INTS14: variants seen among roughly 807,000 people sequenced by gnomAD.
INTS14 encodes the protein UPF0464 protein C15orf44.
A neutral mutation model predicts 56.9 loss-of-function variants in INTS14; 27 were observed. The observed-to-expected ratio is 0.47, with a 90% CI of 0.35 to 0.65. INTS14 has a LOEUF of 0.65. INTS14 is among the 30% of genes least tolerant of loss of function. The pLI is 0.00. For synonymous variants in INTS14, 207 were observed against 236.2 expected (o/e 0.88, Z 1.13); for missense variants, 517 against 632.2 (o/e 0.82, Z 1.95).
intron 3 of INTS14, among the ~76,000 whole-genome samples, chr15:65,602,951 T>C (rs2073496195): frequency 1.3e-5 from 2 of 152,214 alleles, no homozygotes; most frequent in African/African-American, 4.8e-5. Flanking sequence ...GAAGTCTGCA[T>C]GATGCACAAG....
chr15:65,607,600 T>C (rs61350051), intron 1 of INTS14, among the ~76,000 whole-genome samples, 158 bp from the exon 2 acceptor site: 80 of 152,284 alleles, frequency 5.3e-4, no homozygotes, highest in African/African-American at 1.9e-3. Context: ...AGTGAGCAGC[T>C]TAGTTCATTG....
intron 3 of INTS14, among the ~76,000 whole-genome samples, chr15:65,600,765 T>C (rs911505256): frequency 2.0e-5 from 3 of 152,154 alleles, no homozygotes; most frequent in African/African-American, 7.2e-5. Flanking sequence ...AGTGGTTATA[T>C]AGGTGTATAC....
At chr15:65,592,412 G>A (rs1453408155) in intron 8 of INTS14, among the ~76,000 whole-genome samples, 1 of 152,184 alleles carries the variant, frequency 6.6e-6, no homozygotes, top group Admixed American at 6.5e-5. Context: ...ATGTATTATA[G>A]AAAGGGAAAT....
intron 9 of INTS14, among the ~76,000 whole-genome samples, chr15:65,587,707 G>A (rs1419139302): frequency 4.6e-5 from 7 of 152,178 alleles, no homozygotes; most frequent in Non-Finnish European, 8.8e-5. Flanking sequence ...AGGGCTGAGT[G>A]TGGTGGCTCA....
intron 9 of INTS14, among the ~76,000 whole-genome samples, chr15:65,589,132 G>C (rs1256783146): frequency 6.6e-6 from 1 of 152,180 alleles, no homozygotes; most frequent in African/African-American, 2.4e-5. Context: ...TTATAGATAG[G>C]CATCTTTGGT....
chr15:65,582,668 C>T (rs898407933), intron 10 of INTS14, among the ~76,000 whole-genome samples: 5 of 152,138 alleles, frequency 3.3e-5, no homozygotes, highest in Admixed American at 6.5e-5. Flanking sequence ...GTTAAGACAG[C>T]ACAAAGCACA....
chr15:65,604,509 C>T (rs532165976), intron 3 of INTS14, among the ~76,000 whole-genome samples: 2 of 152,174 alleles, frequency 1.3e-5, no homozygotes, highest in South Asian at 2.1e-4. Flanking sequence ...GTGGGCGGAT[C>T]GCCTGAGCCA....
chr15:65,581,995 T>G lies in INTS14; in HGVS notation c.1264A>C (p.Asn422His). The change falls in exon 11 of 12, where the codon AAT becomes CAT. Residue 422 changes from asparagine to histidine, a missense_variant. By Grantham distance (68) the Asn-to-His change is moderately conservative. Transcript: ENST00000313182. ...GTTTTTTCAGGTAGTTTCCTTGCAT[T>G]TCTTAAAATCTTCTGTACATCTGTC... ...LQTDVQKILR[N>H]ARKLPEKTQT... The G allele has an allele frequency of 6.2e-7, 1 of 1,612,492 alleles. No homozygotes were observed. Among genetic ancestry groups the G allele is most frequent in the Non-Finnish European group, 8.5e-7 (1 of 1,179,774 alleles).
chr15:65,596,054 G>A (rs2073200272), intron 6 of INTS14, among the ~76,000 whole-genome samples: 1 of 152,118 alleles, frequency 6.6e-6, no homozygotes, highest in Non-Finnish European at 1.5e-5. Flanking sequence ...GACAAAATCA[G>A]CTAAATTTTA....
At chr15:65,588,090 A>G (rs1390061797) in intron 9 of INTS14, among the ~76,000 whole-genome samples, 1 of 151,412 alleles carries the variant, frequency 6.6e-6, no homozygotes, top group South Asian at 2.1e-4. Flanking sequence ...GAGTTTTGAG[A>G]CCAGCCTGGC....
In INTS14 at chr15:65,591,510, A is replaced by G. The variant is rs568293100; in HGVS notation, c.1120+88T>C. 4 of 1,508,406 alleles carry G rather than the reference A, an allele frequency of 2.7e-6. No homozygotes were observed. In the East Asian group the frequency reaches 6.8e-5, roughly 26 times the overall value. The allele number at this position is 1,508,406 out of a possible 1,614,324, so 93.4% of individuals were successfully genotyped here. On this transcript the variant is annotated intron_variant, in intron 9 of 11. Transcript: ENST00000313182. The stretch of plus-strand genomic sequence containing the variant: ...CATGGCATACCAGTAAGGGAGATCA[A>G]TCAGTTCTCTGACTGCACAGTCAGA...
chr15:65,592,621 G>A (rs1349676727), intron 8 of INTS14, among the ~76,000 whole-genome samples: 1 of 152,192 alleles, frequency 6.6e-6, no homozygotes, highest in African/African-American at 2.4e-5. Context: ...CTCATCTATA[G>A]ATAGGGATAA....
intron 11 of INTS14, among the ~76,000 whole-genome samples, chr15:65,581,477 G>A (rs987691048): frequency 7.1e-6 from 1 of 141,794 alleles, no homozygotes; most frequent in Non-Finnish European, 1.5e-5. Flanking sequence ...GAACCTGTGA[G>A]GCAGAGGTTG....
At chr15:65,579,776 G>A (rs2072521360) in intron 11 of INTS14, 117 bp from the exon 12 acceptor site, 3 of 1,392,822 alleles carry the variant, frequency 2.2e-6, no homozygotes, top group Non-Finnish European at 2.9e-6. Context: ...AATTTTATAT[G>A]AGAACAAATG....
chr15:65,587,588 T>C (rs947413603), intron 9 of INTS14, among the ~76,000 whole-genome samples: 1 of 152,046 alleles, frequency 6.6e-6, no homozygotes, highest in Non-Finnish European at 1.5e-5. Flanking sequence ...GGGAGGATAG[T>C]AGGAGGGGAA....
At chr15:65,580,156 G>A (rs1055681055) in intron 11 of INTS14, among the ~76,000 whole-genome samples, 6 of 152,170 alleles carry the variant, frequency 3.9e-5, no homozygotes, top group Non-Finnish European at 8.8e-5. Flanking sequence ...GTTACTGATA[G>A]AAGCAGAGAA....
rs1203494594 is a variant in INTS14 at position 65,599,867 on chromosome 15, G to T, written c.393C>A (p.Ala131=). 1.9e-6 allele frequency: 3 copies of T among 1,614,074 alleles called. No homozygotes were observed. The South Asian group carries it at 3.3e-5, about 18-fold the overall frequency. ...IGRGSLRHSL[A]TQNQRSESNR... is the part of the protein sequence containing the mutation. ...TGCTCTCACTTCGTTGATTTTGAGT[G>T]GCTAGGGAATGTCGCAGTGACCCTC... is the stretch of plus-strand genomic sequence containing the variant. Residue 131 remains alanine, a synonymous_variant, in exon 4 of 12, where the codon GCC becomes GCA. Coordinates refer to ENST00000313182, the MANE Select transcript of INTS14 (RefSeq NM_001394796.1).
At chr15:65,594,388 T>C (rs1341153437) in intron 7 of INTS14, among the ~76,000 whole-genome samples, 1 of 146,024 alleles carries the variant, frequency 6.8e-6, no homozygotes, top group African/African-American at 2.5e-5. Flanking sequence ...CATATTTTTC[T>C]TTTTCTTTCT....
intron 3 of INTS14, among the ~76,000 whole-genome samples, chr15:65,604,466 C>T (rs2073566786): frequency 6.6e-6 from 1 of 152,104 alleles, no homozygotes; most frequent in Admixed American, 6.6e-5. Context: ...CACAGTGGCT[C>T]ACCCCTGTAA....
Sources: allele counts gnomAD v4.1 joint callset (sites outside exome capture counted in the v4.1 genomes callset), GRCh38; gene constraint gnomAD v4.1.1; transcripts MANE v1.5; gene names NCBI Gene and HGNC (gene_info 2026-07-23, HGNC 2026-07-21).